CNGA4: variants seen among roughly 807,000 people sequenced by gnomAD.
CNGA4 encodes cyclic nucleotide gated channel subunit alpha 4.
Under a neutral mutation model 45.6 loss-of-function variants are expected in CNGA4, and 32 were observed. The ratio of observed to expected loss-of-function variants is 0.70; its 90% CI spans 0.53 to 0.94. The LOEUF is 0.94. CNGA4 is among the 40% of genes least tolerant of loss of function. The probability of loss-of-function intolerance (pLI) is 0.00; values close to 1 mark genes in which losing one functional copy is unlikely to be tolerated. For synonymous variants in CNGA4, 293 were observed against 304.6 expected, an observed-to-expected ratio of 0.96 and a Z score of 0.40; for missense variants, 726 against 755.1, an observed-to-expected ratio of 0.96 and a Z score of 0.45.
In CNGA4 at chr11:6,239,172, G is replaced by A. The variant is rs536010222; in HGVS notation, c.-35G>A. ...AGTCCCCTACAGGCAGAGAGGGTGT[G>A]GACATCTCACACCCCAGCACCAGAC... On this transcript the variant is annotated 5_prime_UTR_variant, in exon 1 of 6. Coordinates refer to ENST00000379936, the MANE Select transcript of CNGA4 (RefSeq NM_001037329.4). 267 of 1,612,498 alleles carry A rather than the reference G, an allele frequency of 1.7e-4. 1 individual carries two copies. In the Middle Eastern group the frequency reaches 1.9e-3, roughly 11 times the overall value.
upstream of CNGA4, chr11:6,239,041 C>T (rs150511061): frequency 4.3e-4 from 637 of 1,478,418 alleles, 1 homozygote; most frequent in Non-Finnish European, 5.0e-4. Context: ...CCTTCAGTAG[C>T]GCTAGCTCTG....
intron 5 of CNGA4, chr11:6,242,131 G>T: frequency 2.3e-6 from 1 of 426,046 alleles, no homozygotes; most frequent in Non-Finnish European, 4.1e-6. Flanking sequence ...TTTTCTAAGT[G>T]CTTCACATGA....
rs754725934 is a variant in CNGA4, at chr11:6,241,682, A to T, written c.1169A>T (p.Glu390Val). The T allele has an allele frequency of 1.2e-6, 2 of 1,614,166 alleles. No homozygotes were observed. Among genetic ancestry groups the T allele is most frequent in the East Asian group, 4.5e-5 (2 of 44,880 alleles). The change falls in exon 5 of 6, where the codon GAG becomes GTG. Residue 390 changes from glutamate (E) to valine (V), a missense_variant. Physicochemically the swap from Glu to Val is moderately radical, Grantham distance 121. Coordinates refer to ENST00000379936, the MANE Select transcript of CNGA4 (RefSeq NM_001037329.4). ...DIGQEMYIIR[E>V]GQLAVVADDG... ...GGCCAAGAGATGTACATCATCCGAG[A>T]GGGTCAACTGGCCGTGGTGGCAGAT... is the stretch of plus-strand genomic sequence containing the variant.
At position 6,239,469 on chromosome 11, in the gene CNGA4, A is replaced by G; in HGVS notation, c.148A>G (p.Ile50Val). The G allele has an allele frequency of 6.2e-7, 1 of 1,613,984 alleles. No homozygotes were observed. The highest frequency in any genetic ancestry group is 1.1e-5 in the South Asian group (1 of 91,080). Residue 50 changes from isoleucine to valine, a missense_variant, in exon 2 of 6, where the codon ATC (isoleucine) becomes GTC (valine). Physicochemically the swap from Ile to Val is conservative, Grantham distance 29 (BLOSUM62 3). Coordinates refer to ENST00000379936, the MANE Select transcript of CNGA4 (RefSeq NM_001037329.4). ...GGTCTTCCCAGTCATGTATAACCTC[A>G]TCATCCTCGTGTGCAGGTATGGCAG... ...TMVFPVMYNL[I>V]ILVCRACFPD...
Position 6,240,648 on chromosome 11 carries a change from T to G in CNGA4, c.854T>G (p.Leu285Arg). The change falls in exon 4 of 6, where the codon CTG (leucine) becomes CGG (arginine). Residue 285 changes from leucine to arginine, a missense_variant. By Grantham distance (102) the Leu-to-Arg change is moderately radical. Transcript: ENST00000379936. The surrounding 1 kb of genome is among the most constrained non-coding windows in gnomAD (Gnocchi z 4.9). ...ADAAFYPDHA[L>R]VKKYMKLQHV... ...GCGGCTTTCTACCCAGATCATGCAC[T>G]GGTGAAGAAGTACATGAAGCTGCAG... The G allele has an allele frequency of 1.3e-5, 21 of 1,614,196 alleles. No homozygotes were observed. The highest frequency in any genetic ancestry group is 1.7e-5 in the Non-Finnish European group (20 of 1,180,036).
At chr11:6,241,806 G>A (rs1303695480) in intron 5 of CNGA4, 26 bp downstream of exon 5, 1 of 1,603,018 alleles carries the variant, frequency 6.2e-7, no homozygotes, top group Non-Finnish European at 8.5e-7. Context: ...TTTGTTCCAG[G>A]GACAAGGATG....
In CNGA4 at chr11:6,240,850, G is replaced by A; in HGVS notation, c.917+139G>A. On this transcript the variant is annotated intron_variant, in intron 4 of 5. Coordinates refer to ENST00000379936, the MANE Select transcript of CNGA4 (RefSeq NM_001037329.4). The surrounding 1 kb of genome is among the most constrained non-coding windows in gnomAD (Gnocchi z 4.9). ...ATTCAGCCGTGGGTTTGCTGGCTGG[G>A]GCTTGGAAAAAGGGAACTTCTTTCA... The A allele has an allele frequency of 9.1e-7, 1 of 1,098,678 alleles. No individual in the cohort carries two copies. Among genetic ancestry groups the A allele is most frequent in the African/African-American group, 1.6e-5 (1 of 63,472 alleles). The allele number at this position is 1,098,678 out of a possible 1,614,324, so 68.1% of individuals were successfully genotyped here. A position where few individuals can be genotyped will look rare whatever the true frequency, so the allele number is the denominator to read the frequency against.
rs1847956228 is a variant in CNGA4, at chr11:6,244,124, T to C, written c.1443T>C (p.Asn481=). ...ILLKMNKLDV[N]AEAAEIALQE... The stretch of plus-strand genomic sequence containing the variant: ...TGAAAATGAACAAGTTGGACGTGAA[T>C]GCTGAGGCAGCTGAGATCGCCCTGC... The change falls in exon 6 of 6, where the codon AAT becomes AAC. Residue 481 remains asparagine, a synonymous_variant. Transcript: ENST00000379936. This position sits in a 1 kb window ranked among gnomAD's most constrained non-coding sequence, Gnocchi z 4.5. The C allele has an allele frequency of 6.2e-7, 1 of 1,614,208 alleles. No homozygotes were observed. Among genetic ancestry groups the C allele is most frequent in the Non-Finnish European group, 8.5e-7 (1 of 1,180,038 alleles).
Position 6,239,735 on chromosome 11 carries a change from G to A in CNGA4, c.216G>A (p.Leu72=). Residue 72 remains leucine (L), a synonymous_variant, in exon 3 of 6, where the codon CTG becomes CTA. Coordinates refer to ENST00000379936, the MANE Select transcript of CNGA4 (RefSeq NM_001037329.4). ...GTTATCTGGTGGCCTGGTTGGTGCT[G>A]GACTACACGAGTGACCTGCTATACC... is the stretch of plus-strand genomic sequence containing the variant. ...QHGYLVAWLV[L]DYTSDLLYLL... The A allele has an allele frequency of 6.2e-7, 1 of 1,614,156 alleles. No individual in the cohort carries two copies. The highest frequency in any genetic ancestry group is 8.5e-7 in the Non-Finnish European group (1 of 1,179,996).
chr11:6,235,658 C>T (rs1030598871), upstream of CNGA4: 7 of 636,798 alleles, frequency 1.1e-5, no homozygotes, highest in Admixed American at 1.3e-4. Flanking sequence ...AGTACTTTAC[C>T]GGCTGGGCGC....
At chr11:6,239,591 G>A in intron 2 of CNGA4, 93 bp from the exon 3 acceptor site, 1 of 1,550,826 alleles carries the variant, frequency 6.4e-7, no homozygotes, top group Non-Finnish European at 8.9e-7. Context: ...AATTCCCATG[G>A]GAGGGCCTGA....
upstream of CNGA4, among the ~76,000 whole-genome samples, chr11:6,237,948 C>T (rs1169711410): frequency 6.6e-6 from 1 of 152,218 alleles, no homozygotes; most frequent in Admixed American, 6.5e-5. Flanking sequence ...TCATCTCTCA[C>T]CACTACCCGC....
upstream of CNGA4, among the ~76,000 whole-genome samples, chr11:6,237,633 CATT>C (rs1227542750): frequency 6.6e-6 from 1 of 151,942 alleles, no homozygotes; most frequent in East Asian, 1.9e-4. Context: ...CAAACCAAGA[CATT>C]ATGGCATTAC....
Position 6,239,415 on chromosome 11 carries a change from G to T in CNGA4, c.94G>T (p.Asp32Tyr), listed in dbSNP as rs765442437. 1 of 1,614,218 alleles carries T rather than the reference G, an allele frequency of 6.2e-7. No homozygotes were observed. The highest frequency in any genetic ancestry group is 1.1e-5 in the South Asian group (1 of 91,088). ...KLLPVLDPSGDYYYWWLNTMV... is the reference protein window; with the variant it reads ...KLLPVLDPSGYYYYWWLNTMV... Reference sequence around the variant, plus strand: ...GCTGCCTGTCCTGGACCCATCTGGGGATTACTACTACTGGTGGCTGAACAC... The same window carrying T: ...GCTGCCTGTCCTGGACCCATCTGGGTATTACTACTACTGGTGGCTGAACAC... Residue 32 changes from aspartate (D) to tyrosine (Y), a missense_variant, in exon 2 of 6, where the codon GAT (aspartate) becomes TAT (tyrosine). Physicochemically the swap from Asp to Tyr is radical, Grantham distance 160 (BLOSUM62 -3). Transcript: ENST00000379936.
rs571245632 is a variant in CNGA4 at position 6,244,082 on chromosome 11, A to G, written c.1401A>G (p.Lys467=). Residue 467 remains lysine, a synonymous_variant, in exon 6 of 6, where the codon AAA becomes AAG. Coordinates refer to ENST00000379936, the MANE Select transcript of CNGA4 (RefSeq NM_001037329.4). The surrounding 1 kb of genome is among the most constrained non-coding windows in gnomAD (Gnocchi z 4.5). The part of the protein sequence containing the change: ...YPQAQTIMEE[K]GREILLKMNK... The stretch of plus-strand genomic sequence containing the variant: ...AAGCACAGACCATCATGGAGGAGAA[A>G]GGACGTGAGATCCTGCTGAAAATGA... 4 of 1,614,232 alleles carry G rather than the reference A, an allele frequency of 2.5e-6. No individual in the cohort carries two copies. The South Asian group carries it at 4.4e-5, about 18-fold the overall frequency.
chr11:6,244,346 G>C lies in CNGA4; in HGVS notation c.1665G>C (p.Glu555Asp), dbSNP rs750212938. ...LAEADDEGEPEEGTSKDEEGR... is the reference protein window; with the variant it reads ...LAEADDEGEPDEGTSKDEEGR... ...AGGCTGATGACGAGGGTGAGCCTGA[G>C]GAGGGAACTTCCAAAGATGAAGAGG... Residue 555 changes from glutamate (E) to aspartate (D), a missense_variant, in exon 6 of 6, where the codon GAG becomes GAC. Glu to Asp is a conservative substitution (Grantham distance 45). Transcript: ENST00000379936. The surrounding 1 kb of genome is among the most constrained non-coding windows in gnomAD (Gnocchi z 4.5). 6.2e-7 allele frequency: 1 copy of C among 1,614,108 alleles called. No individual in the cohort carries two copies. Among genetic ancestry groups the C allele is most frequent in the East Asian group, 2.2e-5 (1 of 44,872 alleles).
upstream of CNGA4, among the ~76,000 whole-genome samples, chr11:6,235,988 A>G (rs117653031): frequency 0.023 from 3,473 of 152,336 alleles, 48 homozygotes; most frequent in Middle Eastern, 0.054. Context: ...CCAATGTTAA[A>G]TACCTGGTTT....
upstream of CNGA4, among the ~76,000 whole-genome samples, chr11:6,235,992 C>G (rs1847831214): frequency 6.6e-6 from 1 of 151,800 alleles, no homozygotes; most frequent in Non-Finnish European, 1.5e-5. Flanking sequence ...TGTTAAATAC[C>G]TGGTTTTTAT....
At chr11:6,243,031 C>G (rs1847938671) in intron 5 of CNGA4, among the ~76,000 whole-genome samples, 1 of 152,190 alleles carries the variant, frequency 6.6e-6, no homozygotes, top group Admixed American at 6.5e-5. Flanking sequence ...CCACCCTCCC[C>G]ACACTCTGCG....
Sources: allele counts gnomAD v4.1 joint callset (sites outside exome capture counted in the v4.1 genomes callset), GRCh38; gene constraint gnomAD v4.1.1; non-coding constraint Gnocchi (gnomAD v3.1); transcripts MANE v1.5; gene names NCBI Gene and HGNC (gene_info 2026-07-23, HGNC 2026-07-21).